Variants in COL6A1 observed in about 807,000 individuals in gnomAD.
COL6A1 encodes the protein collagen alpha-1(VI) chain.
COL6A1 carries 80 observed loss-of-function variants against 145.6 expected under a neutral mutation model. The ratio of observed to expected loss-of-function variants is 0.55; its 90% CI spans 0.46 to 0.66. The LOEUF (loss-of-function observed/expected upper bound fraction) is 0.66. Ranked by LOEUF, COL6A1 falls within the 30% of genes least tolerant of loss-of-function variation. The pLI is 0.00. For synonymous variants in COL6A1, 638 were observed against 622.8 expected, an observed-to-expected ratio of 1.02 and a Z score of -0.36; for missense variants, 1,364 against 1,473.8, an observed-to-expected ratio of 0.93 and a Z score of 1.22.
chr21:45,991,577 T>A (rs1427817815), intron 15 of COL6A1, among the ~76,000 whole-genome samples: 1 of 152,154 alleles, frequency 6.6e-6, no homozygotes, highest in Non-Finnish European at 1.5e-5. Context: ...GTTTCTTTGT[T>A]GAAGCTGAAG....
chr21:45,995,856 G>A (rs1408837491), intron 20 of COL6A1, among the ~76,000 whole-genome samples: 2 of 152,182 alleles, frequency 1.3e-5, no homozygotes, highest in Non-Finnish European at 2.9e-5. Flanking sequence ...GGGGCCTTTC[G>A]GGGCCCGGGG....
chr21:46,000,635 G>A (rs1236518508), intron 28 of COL6A1, 124 bp from the exon 29 acceptor site: 1 of 1,386,178 alleles, frequency 7.2e-7, no homozygotes, highest in South Asian at 1.2e-5. Context: ...GGCCGGGGAA[G>A]GGGGGAGGCC....
At chr21:45,987,317 C>G in intron 6 of COL6A1, 142 bp downstream of exon 6, 1 of 1,499,872 alleles carries the variant, frequency 6.7e-7, no homozygotes, top group South Asian at 1.1e-5. Context: ...GCCCGTGTGC[C>G]CGGGATGTGT....
At chr21:45,996,215 G>A (rs989116492) in intron 20 of COL6A1, among the ~76,000 whole-genome samples, 2 of 152,166 alleles carry the variant, frequency 1.3e-5, no homozygotes, top group East Asian at 3.9e-4. Context: ...CTTCCTCCTG[G>A]CCCCCTTTTC....
chr21:46,001,671 G>A lies in COL6A1; in HGVS notation c.1956+285G>A, dbSNP rs192928085. ...AGTGCTGGGTGTGGGCTTGTCCCTC[G>A]TGGACAGAACCCAGGAGGGCTTCAT... On this transcript the variant is annotated intron_variant, in intron 30 of 34. Transcript: ENST00000361866. Among the ~76,000 whole-genome samples the A allele has an allele frequency of 1.7e-3, 255 of 152,304 alleles. 1 individual carries two copies. The highest frequency in any genetic ancestry group is 5.3e-3 in the African/African-American group (220 of 41,574).
chr21:45,987,510 C>G lies in COL6A1; in HGVS notation c.750C>G (p.Phe250Leu), dbSNP rs748153811. Residue 250 changes from phenylalanine (F) to leucine (L), a missense_variant, in exon 7 of 35, where the codon TTC becomes TTG. This residue lies in a region of COL6A1 where 414 missense variants were observed against 437.6 expected (regional missense o/e 0.95). Transcript: ENST00000361866. ...KNNVEQVCCSFECQPARGPPG... is the reference protein window; with the variant it reads ...KNNVEQVCCSLECQPARGPPG... The stretch of plus-strand genomic sequence containing the variant: ...CTTTCCCCCCACAGTGCTGCTCCTT[C>G]GAATGCCAGGTGAGTGTGCCCCCCG... 1.2e-6 allele frequency: 2 copies of G among 1,613,048 alleles called. No individual in the cohort carries two copies. Among genetic ancestry groups the G allele is most frequent in the Admixed American group, 1.7e-5 (1 of 60,022 alleles).
chr21:45,998,983 C>G, intron 25 of COL6A1, 24 bp downstream of exon 25: 1 of 1,550,996 alleles, frequency 6.4e-7, no homozygotes, highest in Admixed American at 2.0e-5. Flanking sequence ...GGAGGCAGGG[C>G]CAGCCCCAAG....
chr21:45,993,995 C>T (rs539311486), intron 19 of COL6A1, among the ~76,000 whole-genome samples, 172 bp from the exon 20 acceptor site: 6 of 152,204 alleles, frequency 3.9e-5, no homozygotes, highest in East Asian at 1.9e-4. Flanking sequence ...CCGATGGCCA[C>T]GCACGTGGGC....
intron 29 of COL6A1, 164 bp downstream of exon 29, chr21:46,000,931 C>T: frequency 1.1e-6 from 1 of 935,216 alleles, no homozygotes; most frequent in East Asian, 2.5e-5. Flanking sequence ...CAGCAGGGTT[C>T]CCGGGTGTTG....
chr21:45,994,323 T>G lies in COL6A1; in HGVS notation c.1398+94T>G, dbSNP rs1037750482. The G allele has an allele frequency of 1.5e-5, 18 of 1,230,802 alleles. No homozygotes were observed. The highest frequency in any genetic ancestry group is 2.0e-5 in the Non-Finnish European group (17 of 855,936). The allele number at this position is 1,230,802 out of a possible 1,614,324, so 76.2% of individuals were successfully genotyped here. ...CTCACGCACTGGGGGTCTGTTCATT[T>G]CCGTTTGAGGGCCTCTGTGTTTCCG... On this transcript the variant is annotated intron_variant, in intron 20 of 34. Transcript: ENST00000361866. The surrounding 1 kb of genome is among the most constrained non-coding windows in gnomAD (Gnocchi z 6.8).
rs374765590 is a variant in COL6A1, at chr21:45,992,269, T to C, written c.1236+52T>C. The C allele has an allele frequency of 3.8e-5, 62 of 1,613,604 alleles. No homozygotes were observed. The East Asian group carries it at 5.6e-4, about 15-fold the overall frequency. ...TGGGGAAGTGCATGGCCTCAGCTTC[T>C]GATCCTCTTTGCTCGGGGTCTACTC... On this transcript the variant is annotated intron_variant, in intron 17 of 34. Coordinates refer to ENST00000361866, the MANE Select transcript of COL6A1 (RefSeq NM_001848.3).
chr21:46,003,511 CG>C lies in COL6A1; in HGVS notation c.2588del (p.Gly863AlafsTer61). 6.2e-7 allele frequency: 1 copy of C among 1,611,422 alleles called. No individual in the cohort carries two copies. Among genetic ancestry groups the C allele is most frequent in the South Asian group, 1.1e-5 (1 of 91,006 alleles). On this transcript the variant is annotated frameshift_variant, in exon 35 of 35. Transcript: ENST00000361866. LOFTEE classifies it high-confidence loss of function. ...AKRLAERFLT[A>X]GRTDPAHDVR... ...CGCCTGGCCGAGCGCTTCCTCACAG[CG>C]GGCAGGACGGACCCCGCCCACGACG...
At chr21:45,997,516 C>G (rs1313567180) in intron 21 of COL6A1, 33 bp downstream of exon 21, 1 of 1,523,320 alleles carries the variant, frequency 6.6e-7, no homozygotes, top group Admixed American at 2.0e-5. Flanking sequence ...ACCCGCCCAC[C>G]CAGGGGGGCC....
intron 18 of COL6A1, 34 bp downstream of exon 18, chr21:45,992,432 C>G (rs758837490): frequency 2.5e-6 from 4 of 1,609,074 alleles, no homozygotes; most frequent in South Asian, 2.2e-5. Flanking sequence ...CGCTGTTGGC[C>G]TCACCATGTA....
Position 46,003,833 on chromosome 21 carries a change from C to T in COL6A1, c.2907C>T (p.Ile969=), listed in dbSNP as rs1388854173. 1.9e-6 allele frequency: 3 copies of T among 1,603,300 alleles called. No homozygotes were observed. The South Asian group carries it at 3.3e-5, about 18-fold the overall frequency. The change falls in exon 35 of 35, where the codon ATC becomes ATT. Residue 969 remains isoleucine (I), a synonymous_variant. Transcript: ENST00000361866. ...AAGCCCAGCGGGCAGGCATCGAGAT[C>T]TTCGTGGTGGTCGTGGGCCGCCAGG... is the stretch of plus-strand genomic sequence containing the variant. ...VQEAQRAGIE[I]FVVVVGRQVN...
rs778931297 is a variant in COL6A1, at chr21:45,986,563, G to T, written c.466G>T (p.Val156Leu). 4.5e-6 allele frequency: 7 copies of T among 1,565,676 alleles called. No homozygotes were observed. Among genetic ancestry groups the T allele is most frequent in the Non-Finnish European group, 6.1e-6 (7 of 1,155,312 alleles). ...HLKENKYLIV[V>L]TDGHPLEGYK... ...GAAGGAGAATAAGTACCTGATTGTG[G>T]TGACCGACGGGCACCCCCTGGAGGG... The change falls in exon 4 of 35, where the codon GTG becomes TTG. Residue 156 changes from valine to leucine, a missense_variant. Physicochemically the swap from Val to Leu is conservative, Grantham distance 32. Around this residue, in one of 3 missense-constraint regions of COL6A1, gnomAD observed 414 missense variants for 437.6 expected, o/e 0.95. Coordinates refer to ENST00000361866, the MANE Select transcript of COL6A1 (RefSeq NM_001848.3).
At chr21:45,991,362 G>A (rs867861830) in intron 15 of COL6A1, among the ~76,000 whole-genome samples, 57 of 152,020 alleles carry the variant, frequency 3.7e-4, no homozygotes, top group African/African-American at 1.2e-3. Context: ...CCTGCGAGCC[G>A]CAGCCCAGAA....
At chr21:45,989,703 C>G in intron 10 of COL6A1, 49 bp from the exon 11 acceptor site, 1 of 1,613,100 alleles carries the variant, frequency 6.2e-7, no homozygotes, top group Non-Finnish European at 8.5e-7. Flanking sequence ...CTCAGCCTTG[C>G]ACAGCACTAA....
chr21:45,996,944 G>A (rs1040952227), intron 20 of COL6A1, among the ~76,000 whole-genome samples: 11 of 152,188 alleles, frequency 7.2e-5, no homozygotes, highest in Admixed American at 3.9e-4. Context: ...TGGGCTAAGG[G>A]GACCAGGCCA....
Sources: gnomAD v4.1 joint callset for allele counts (sites outside exome capture counted in the v4.1 genomes callset) on GRCh38, gnomAD v4.1.1 for gene constraint, gnomAD v4.1.1 regional missense constraint, Gnocchi (gnomAD v3.1) non-coding constraint, MANE v1.5 for transcripts, NCBI Gene and HGNC (gene_info 2026-07-23, HGNC 2026-07-21) for gene names.